Variants in ARK2N observed in about 807,000 individuals in gnomAD.
ARK2N encodes the protein arkadia (RNF111) N-terminal like PKA signaling regulator 2N.
the ARK2N span, among the ~76,000 whole-genome samples, chr18:46,177,705 G>A: frequency 6.6e-6 from 1 of 151,896 alleles, no homozygotes; most frequent in African/African-American, 2.4e-5. Flanking sequence ...GGGATTACAG[G>A]TGTGAGCCAC....
At chr18:46,185,339 C>T in the ARK2N span, among the ~76,000 whole-genome samples, 2 of 152,148 alleles carry the variant, frequency 1.3e-5, no homozygotes, top group Admixed American at 6.6e-5. Flanking sequence ...ATTCTCCTCC[C>T]TCATGTATAA....
At chr18:46,252,426 C>G in the ARK2N span, among the ~76,000 whole-genome samples, 2 of 151,914 alleles carry the variant, frequency 1.3e-5, no homozygotes, top group African/African-American at 4.8e-5. Context: ...ACAGGCATGC[C>G]ACCATGCCCA....
the ARK2N span, among the ~76,000 whole-genome samples, chr18:46,247,749 G>C: frequency 1.1e-4 from 16 of 152,266 alleles, 1 homozygote; most frequent in Middle Eastern, 0.014. Flanking sequence ...TCACCTCACT[G>C]CAATCTCGGC....
At chr18:46,202,257 C>G in the ARK2N span, among the ~76,000 whole-genome samples, 1 of 152,028 alleles carries the variant, frequency 6.6e-6, no homozygotes, top group Non-Finnish European at 1.5e-5. Flanking sequence ...GTTGATAGTT[C>G]ACAAAATATT....
the ARK2N span, among the ~76,000 whole-genome samples, chr18:46,237,711 C>T: frequency 6.6e-6 from 1 of 152,104 alleles, no homozygotes; most frequent in East Asian, 1.9e-4. Context: ...ACAAATCTTA[C>T]TTAATTTTGG....
the ARK2N span, among the ~76,000 whole-genome samples, chr18:46,174,947 G>A: frequency 1.3e-5 from 2 of 152,232 alleles, no homozygotes; most frequent in African/African-American, 4.8e-5. Flanking sequence ...CCTTCGGTCG[G>A]CAGGCGCCTC....
the ARK2N span, among the ~76,000 whole-genome samples, chr18:46,192,723 C>T: frequency 6.6e-6 from 1 of 151,720 alleles, no homozygotes; most frequent in African/African-American, 2.4e-5. Context: ...AGGCCCGCCA[C>T]CATGCCTGGC....
At chr18:46,183,664 G>C in the ARK2N span, among the ~76,000 whole-genome samples, 1 of 151,886 alleles carries the variant, frequency 6.6e-6, no homozygotes, top group Non-Finnish European at 1.5e-5. Context: ...GTGGAGAAAA[G>C]GGCTCTTTCT....
chr18:46,243,247 A>C, the ARK2N span, among the ~76,000 whole-genome samples: 6 of 152,240 alleles, frequency 3.9e-5, no homozygotes, highest in Non-Finnish European at 5.9e-5. Context: ...CTTAGGAGCC[A>C]GTTAATAGTT....
the ARK2N span, among the ~76,000 whole-genome samples, chr18:46,257,915 A>T: frequency 7.2e-6 from 1 of 138,998 alleles, no homozygotes; most frequent in Non-Finnish European, 1.5e-5. Context: ...ATTGCTTCAT[A>T]GGACCAGTTG....
the ARK2N span, among the ~76,000 whole-genome samples, chr18:46,206,042 A>G: frequency 1.9e-3 from 287 of 150,190 alleles, 2 homozygotes; most frequent in Middle Eastern, 0.022. Context: ...GACCTGTGTT[A>G]TGAGGATTAT....
the ARK2N span, among the ~76,000 whole-genome samples, chr18:46,260,210 C>G: frequency 6.6e-6 from 1 of 152,038 alleles, no homozygotes; most frequent in African/African-American, 2.4e-5. Context: ...CTGAAACTTG[C>G]CTTCTAGAAA....
chr18:46,240,310 T>G, the ARK2N span: 1 of 1,039,510 alleles, frequency 9.6e-7, no homozygotes, highest in Non-Finnish European at 1.4e-6. Context: ...ATTGAATGAT[T>G]GGTTGTGACT....
the ARK2N span, chr18:46,216,303 G>A: frequency 1.1e-5 from 17 of 1,613,848 alleles, no homozygotes; most frequent in Non-Finnish European, 1.4e-5. The surrounding 1 kb of genome is among the most constrained non-coding windows in gnomAD (Gnocchi z 4.3). Context: ...GCAAGTCTAG[G>A]CGGTCCCGAT....
At chr18:46,256,621 G>A in the ARK2N span, among the ~76,000 whole-genome samples, 3 of 152,056 alleles carry the variant, frequency 2.0e-5, no homozygotes, top group Non-Finnish European at 2.9e-5. Context: ...ATAAAGCTGT[G>A]TTTTATTCTT....
At chr18:46,231,354 A>G in the ARK2N span, among the ~76,000 whole-genome samples, 1 of 152,168 alleles carries the variant, frequency 6.6e-6, no homozygotes, top group South Asian at 2.1e-4. Flanking sequence ...GAAGTAACTG[A>G]ATTTCATTAA....
chr18:46,229,292 C>T, the ARK2N span, among the ~76,000 whole-genome samples: 1 of 151,828 alleles, frequency 6.6e-6, no homozygotes, highest in African/African-American at 2.4e-5. Context: ...AAAAAATTCC[C>T]CTTTCAACAT....
the ARK2N span, among the ~76,000 whole-genome samples, chr18:46,207,733 A>G: frequency 2.0e-5 from 3 of 152,082 alleles, no homozygotes; most frequent in Non-Finnish European, 4.4e-5. Context: ...TACAGACAAC[A>G]CTTTCAGTAG....
chr18:46,191,625 A>G, the ARK2N span, among the ~76,000 whole-genome samples: 2 of 152,214 alleles, frequency 1.3e-5, no homozygotes, highest in African/African-American at 4.8e-5. Context: ...ATCTCCCACC[A>G]GAAAGGCACG....
Sources: gnomAD v4.1 joint callset for allele counts (sites outside exome capture counted in the v4.1 genomes callset) on GRCh38, gnomAD v4.1.1 for gene constraint, Gnocchi (gnomAD v3.1) non-coding constraint, MANE v1.5 for transcripts, NCBI Gene and HGNC (gene_info 2026-07-23, HGNC 2026-07-21) for gene names.